Variants in STPG2 observed in about 807,000 individuals in gnomAD.
The protein encoded by STPG2 is sperm tail PG-rich repeat containing 2, also known as sperm-tail PG-rich repeat-containing protein 2.
Under a neutral mutation model 54.2 loss-of-function variants are expected in STPG2, and 56 were observed. The ratio of observed to expected loss-of-function variants is 1.03; its 90% CI spans 0.83 to 1.29. STPG2 has a LOEUF of 1.29. Ranked by LOEUF, STPG2 falls within the 50% of genes most tolerant of loss-of-function variation. The probability of loss-of-function intolerance (pLI) is 0.00; values close to 1 mark genes in which losing one functional copy is unlikely to be tolerated. For missense variants in STPG2, 596 were observed against 544.9 expected, an observed-to-expected ratio of 1.09 and a Z score of -0.93; for synonymous variants, 200 against 181.8, an observed-to-expected ratio of 1.10 and a Z score of -0.81.
intron 5 of STPG2, among the ~76,000 whole-genome samples, chr4:98,079,661 A>T (rs890919324): frequency 6.6e-6 from 1 of 152,104 alleles, no homozygotes; most frequent in African/African-American, 2.4e-5. Context: ...TGAGAAATTA[A>T]TTTCTCCAAA....
At chr4:97,628,275 C>T (rs1257064973) in intron 10 of STPG2, among the ~76,000 whole-genome samples, 1 of 152,010 alleles carries the variant, frequency 6.6e-6, no homozygotes, top group Non-Finnish European at 1.5e-5. Context: ...AGTAAGACAT[C>T]GTAACATCTC....
intron 10 of STPG2, among the ~76,000 whole-genome samples, chr4:97,597,561 A>G (rs561620719): frequency 8.5e-4 from 130 of 152,240 alleles, no homozygotes; most frequent in African/African-American, 3.1e-3. Flanking sequence ...TTTCCCTGGG[A>G]TGCAAGGTTG....
At chr4:97,696,621 T>C (rs1723583131) in intron 10 of STPG2, among the ~76,000 whole-genome samples, 2 of 152,188 alleles carry the variant, frequency 1.3e-5, no homozygotes, top group South Asian at 2.1e-4. Flanking sequence ...TCCCAATCTA[T>C]ACATCTGACA....
intron 9 of STPG2, among the ~76,000 whole-genome samples, chr4:97,752,524 T>C (rs1385066568): frequency 2.0e-5 from 3 of 151,826 alleles, no homozygotes; most frequent in Middle Eastern, 3.2e-3. Flanking sequence ...GAACGTATCA[T>C]ATCACCTCTC....
chr4:97,889,006 A>T (rs2149172856), intron 8 of STPG2, among the ~76,000 whole-genome samples: 1 of 152,274 alleles, frequency 6.6e-6, no homozygotes, highest in East Asian at 1.9e-4. Flanking sequence ...AGCCATTGTA[A>T]GTTTCCTGAG....
chr4:97,958,918 T>C (rs888003361), intron 7 of STPG2, among the ~76,000 whole-genome samples: 3 of 152,182 alleles, frequency 2.0e-5, no homozygotes, highest in Admixed American at 1.3e-4. Context: ...TTGCAGACTA[T>C]ACATTCTATT....
intron 10 of STPG2, among the ~76,000 whole-genome samples, chr4:97,596,750 G>C (rs977719248): frequency 6.6e-6 from 1 of 152,036 alleles, no homozygotes; most frequent in Admixed American, 6.6e-5. Flanking sequence ...AGAACCTCTG[G>C]GACATAGCTA....
chr4:98,128,703 T>C (rs1449544212), intron 2 of STPG2, 111 bp from the exon 3 acceptor site: 1 of 876,852 alleles, frequency 1.1e-6, no homozygotes. Context: ...TTTAATGAGT[T>C]TCATGATATA....
intron 9 of STPG2, among the ~76,000 whole-genome samples, chr4:97,715,099 C>G (rs1030014848): frequency 6.6e-6 from 1 of 152,102 alleles, no homozygotes; most frequent in African/African-American, 2.4e-5. Context: ...AGCACTTAGC[C>G]TGCTTTAAGC....
downstream of STPG2, among the ~76,000 whole-genome samples, chr4:97,554,328 C>A (rs574978770): frequency 6.6e-6 from 1 of 152,146 alleles, no homozygotes; most frequent in African/African-American, 2.4e-5. Context: ...GAGGCCCAAA[C>A]CTGACAAGAA....
chr4:97,751,777 T>C (rs1420937988), intron 9 of STPG2, among the ~76,000 whole-genome samples: 2 of 151,710 alleles, frequency 1.3e-5, no homozygotes, highest in Non-Finnish European at 3.0e-5. Context: ...AGAGGTCCTC[T>C]TCAGTAAAGG....
intron 5 of STPG2, among the ~76,000 whole-genome samples, chr4:98,043,104 T>C (rs893052668): frequency 3.3e-5 from 5 of 152,052 alleles, no homozygotes; most frequent in Admixed American, 6.6e-5. Flanking sequence ...TCTCTAAAGA[T>C]AGTTTTTTTA....
chr4:97,904,337 C>A lies in STPG2; in HGVS notation c.1044+39560G>T, dbSNP rs144810354. Reference sequence around the variant, plus strand: ...ACTGGGAGGCACCCCCCAGCAGGGGCAGACTGACACCTCACACGGCTGGCC... The same window carrying A: ...ACTGGGAGGCACCCCCCAGCAGGGGAAGACTGACACCTCACACGGCTGGCC... On this transcript the variant is annotated intron_variant, in intron 8 of 10. Coordinates refer to ENST00000295268, the MANE Select transcript of STPG2 (RefSeq NM_174952.3). Among the ~76,000 whole-genome samples, 469 of 152,312 alleles carry A rather than the reference C, an allele frequency of 3.1e-3. 7 individuals carry two copies. The highest frequency in any genetic ancestry group is 4.1e-3 in the Non-Finnish European group (280 of 68,028).
chr4:97,820,473 G>T (rs2149104196), intron 9 of STPG2, among the ~76,000 whole-genome samples: 1 of 152,278 alleles, frequency 6.6e-6, no homozygotes, highest in Non-Finnish European at 1.5e-5. Flanking sequence ...ACAGTAGCTA[G>T]ACCTCTTGCA....
At chr4:97,955,546 C>T (rs533353432) in intron 7 of STPG2, among the ~76,000 whole-genome samples, 92 of 152,014 alleles carry the variant, frequency 6.1e-4, no homozygotes, top group Non-Finnish European at 7.5e-4. Flanking sequence ...GTGTTCGAGG[C>T]ATGGTGAATA....
intron 10 of STPG2, among the ~76,000 whole-genome samples, chr4:97,603,215 TG>T (rs912647348): frequency 1.9e-4 from 29 of 151,748 alleles, no homozygotes; most frequent in African/African-American, 6.5e-4. Context: ...CACAAAAAGA[TG>T]CTCAATATTA....
chr4:97,541,921 T>G (rs774294981), intron 4 of STPG2, among the ~76,000 whole-genome samples: 6 of 152,070 alleles, frequency 3.9e-5, no homozygotes, highest in Non-Finnish European at 8.8e-5. Flanking sequence ...TAGCCATATG[T>G]AGAAAGCTGA....
intron 5 of STPG2, among the ~76,000 whole-genome samples, chr4:98,067,032 G>A (rs533294781): frequency 6.6e-6 from 1 of 152,070 alleles, no homozygotes; most frequent in African/African-American, 2.4e-5. Flanking sequence ...ACAACACATC[G>A]AGAAAATGTT....
At chr4:97,890,376 T>G (rs1277214046) in intron 8 of STPG2, among the ~76,000 whole-genome samples, 2 of 152,010 alleles carry the variant, frequency 1.3e-5, no homozygotes, top group Non-Finnish European at 2.9e-5. Context: ...AATTATTTTG[T>G]AAAAGAGTGA....
Sources: gnomAD v4.1 joint callset for allele counts (sites outside exome capture counted in the v4.1 genomes callset) on GRCh38, gnomAD v4.1.1 for gene constraint, MANE v1.5 for transcripts, NCBI Gene and HGNC (gene_info 2026-07-23, HGNC 2026-07-21) for gene names.